CACNB2: variants seen among roughly 807,000 people sequenced by gnomAD.
CACNB2 encodes calcium voltage-gated channel auxiliary subunit beta 2.
CACNB2 carries 42 observed loss-of-function variants against 73.3 expected under a neutral mutation model. That is an observed-to-expected ratio of 0.57 (90% CI 0.45 to 0.74). The LOEUF (loss-of-function observed/expected upper bound fraction) is 0.74. Among genes scored for constraint, CACNB2 ranks in the 30% least tolerant of loss-of-function variants. CACNB2 has a pLI of 0.00. For missense variants in CACNB2, 940 were observed against 853.0 expected, an observed-to-expected ratio of 1.10 and a Z score of -1.27; for synonymous variants, 348 against 310.3, an observed-to-expected ratio of 1.12 and a Z score of -1.28.
At chr10:18,430,094 T>C (rs1346058876) in intron 3 of CACNB2, among the ~76,000 whole-genome samples, 1 of 151,586 alleles carries the variant, frequency 6.6e-6, no homozygotes, top group Non-Finnish European at 1.5e-5. Context: ...CTATTTATTT[T>C]ACAATTATTT....
chr10:18,155,897 TTATATA>T (rs11467545), intron 2 of CACNB2, among the ~76,000 whole-genome samples: 32 of 139,586 alleles, frequency 2.3e-4, no homozygotes, highest in African/African-American at 4.7e-4. Flanking sequence ...AGAGAACATA[TTATATA>T]TATATATATA....
At chr10:18,344,760 A>G (rs916029345) in intron 2 of CACNB2, among the ~76,000 whole-genome samples, 3 of 152,096 alleles carry the variant, frequency 2.0e-5, no homozygotes, top group Non-Finnish European at 2.9e-5. Flanking sequence ...CTGGGCAACA[A>G]CTCCGTCTCA....
intron 2 of CACNB2, among the ~76,000 whole-genome samples, chr10:18,171,296 A>T (rs921875724): frequency 2.0e-5 from 3 of 152,118 alleles, no homozygotes; most frequent in Non-Finnish European, 4.4e-5. Context: ...TTTTGGTTGT[A>T]AGCTTCAGAA....
chr10:18,489,201 A>G (rs2049260019), intron 3 of CACNB2, among the ~76,000 whole-genome samples: 1 of 151,972 alleles, frequency 6.6e-6, no homozygotes, highest in Non-Finnish European at 1.5e-5. Context: ...CCTGGGTGAC[A>G]GAGCGAGACT....
intron 2 of CACNB2, among the ~76,000 whole-genome samples, chr10:18,176,187 G>T (rs2033579608): frequency 1.3e-5 from 2 of 152,132 alleles, no homozygotes; most frequent in Non-Finnish European, 1.5e-5. Context: ...ATTTGGCTTT[G>T]TACAAACAGG....
chr10:18,364,792 C>T (rs1040860086), intron 2 of CACNB2, among the ~76,000 whole-genome samples: 7 of 152,140 alleles, frequency 4.6e-5, no homozygotes, highest in Non-Finnish European at 8.8e-5. Context: ...CCCAATCTTC[C>T]TCTTTCTGCC....
At position 18,396,690 on chromosome 10, in the gene CACNB2, C is replaced by T. The variant is rs1269852175; in HGVS notation, c.214-5234C>T. Among the ~76,000 whole-genome samples, 5 of 152,146 alleles carry T rather than the reference C, an allele frequency of 3.3e-5. No homozygotes were observed. In the East Asian group the frequency reaches 5.8e-4, roughly 18 times the overall value. ...TTCACCATGTTGGTCAGGCTGGTCT[C>T]GAACTCCTGACCACAGGTGATCCAC... On this transcript the variant is annotated intron_variant, in intron 2 of 13. Coordinates refer to ENST00000324631, the MANE Select transcript of CACNB2 (RefSeq NM_201596.3).
At chr10:18,234,462 C>G (rs943755364) in intron 2 of CACNB2, among the ~76,000 whole-genome samples, 2 of 152,136 alleles carry the variant, frequency 1.3e-5, no homozygotes, top group African/African-American at 2.4e-5. Context: ...CAGCATTATT[C>G]ACAATAGCCA....
intron 3 of CACNB2, among the ~76,000 whole-genome samples, chr10:18,492,451 TCTCTA>T (rs1811563953): frequency 6.6e-6 from 1 of 151,350 alleles, no homozygotes; most frequent in Non-Finnish European, 1.5e-5. Flanking sequence ...CAAAACCCCG[TCTCTA>T]CTAAAAATAC....
In CACNB2 at chr10:18,453,396, T is replaced by C. The variant is rs114121735; in HGVS notation, c.334-44959T>C. Among the ~76,000 whole-genome samples the C allele has an allele frequency of 3.8e-3, 573 of 152,284 alleles. 2 individuals carry two copies. Among genetic ancestry groups the C allele is most frequent in the African/African-American group, 0.013 (549 of 41,554 alleles). On this transcript the variant is annotated intron_variant, in intron 3 of 13. Transcript: ENST00000324631. ...CAGTCCCACCTCATTGCCTAGCAGGTACTCTTGTCTCCCTCCATCGCCTCC... is the reference window on the plus strand; with the variant it reads ...CAGTCCCACCTCATTGCCTAGCAGGCACTCTTGTCTCCCTCCATCGCCTCC...
At chr10:18,369,850 A>G (rs996501725) in intron 2 of CACNB2, among the ~76,000 whole-genome samples, 7 of 152,172 alleles carry the variant, frequency 4.6e-5, no homozygotes, top group Admixed American at 4.6e-4. Context: ...GAGGTTGCAG[A>G]GAGCCGAGAT....
In CACNB2 at chr10:18,377,931, A is replaced by G. The variant is rs189132647; in HGVS notation, c.214-23993A>G. On this transcript the variant is annotated intron_variant, in intron 2 of 13. Coordinates refer to ENST00000324631, the MANE Select transcript of CACNB2 (RefSeq NM_201596.3). ...TTTTACCCAGACCTGGGAACTGAGTAAAATTATAATTATGATAGACACAGG... is the reference window on the plus strand; with the variant it reads ...TTTTACCCAGACCTGGGAACTGAGTGAAATTATAATTATGATAGACACAGG... Among the ~76,000 whole-genome samples the G allele has an allele frequency of 6.8e-4, 104 of 152,342 alleles. No individual in the cohort carries two copies. The Middle Eastern group carries it at 0.024, about 35-fold the overall frequency.
In CACNB2 at chr10:18,500,840, G is replaced by T. The variant is rs144461906; in HGVS notation, c.485G>T (p.Arg162Leu). The T allele has an allele frequency of 1.2e-6, 2 of 1,613,912 alleles. No individual in the cohort carries two copies. The highest frequency in any genetic ancestry group is 2.2e-5 in the South Asian group (2 of 91,078). Residue 162 changes from arginine to leucine, a missense_variant, in exon 5 of 14, where the codon CGA becomes CTA. Transcript: ENST00000324631. ...EKFNNDWWIG[R>L]LVKEGCEIGF... ...TTTAACAATGACTGGTGGATAGGGC[G>T]ATTGGTAAAAGAAGGCTGTGAAATC...
At chr10:18,370,276 G>A (rs16917217) in intron 2 of CACNB2, among the ~76,000 whole-genome samples, 44,339 of 151,946 alleles carry the variant, frequency 0.29, 6,896 homozygotes, top group East Asian at 0.67. Context: ...TAGGAATGCA[G>A]TCTCAGAAAC....
At chr10:18,406,027 A>G (rs984542477) in intron 3 of CACNB2, among the ~76,000 whole-genome samples, 2 of 152,202 alleles carry the variant, frequency 1.3e-5, no homozygotes, top group African/African-American at 4.8e-5. Flanking sequence ...ATAACCTTCA[A>G]TCTTGAGTCC....
chr10:18,154,550 C>T (rs2031881191), intron 2 of CACNB2, among the ~76,000 whole-genome samples: 1 of 152,112 alleles, frequency 6.6e-6, no homozygotes, highest in Non-Finnish European at 1.5e-5. Flanking sequence ...TCACTGCAAC[C>T]TCCATCTCCT....
Position 18,500,889 on chromosome 10 carries a change from A to G in CACNB2, c.534A>G (p.Lys178=). 1 of 1,614,114 alleles carries G rather than the reference A, an allele frequency of 6.2e-7. No individual in the cohort carries two copies. The highest frequency in any genetic ancestry group is 8.5e-7 in the Non-Finnish European group (1 of 1,179,972). The change falls in exon 5 of 14, where the codon AAA becomes AAG. Residue 178 remains lysine, a synonymous_variant. Coordinates refer to ENST00000324631, the MANE Select transcript of CACNB2 (RefSeq NM_201596.3). ...CEIGFIPSPV[K]LENMRLQHEQ... is the part of the protein sequence containing the mutation. ...TCGGATTCATTCCAAGCCCAGTCAA[A>G]CTAGAAAACATGAGGCTGCAGCATG...
intron 2 of CACNB2, among the ~76,000 whole-genome samples, chr10:18,266,304 C>G (rs2037796820): frequency 6.6e-6 from 1 of 152,196 alleles, no homozygotes; most frequent in Non-Finnish European, 1.5e-5. Flanking sequence ...AACTGAGATT[C>G]AAGCTGAAAT....
intron 2 of CACNB2, among the ~76,000 whole-genome samples, chr10:18,358,497 GCTCTCTCTCTCTCTCTCT>G (rs59205683): frequency 3.3e-4 from 34 of 104,336 alleles, no homozygotes; most frequent in Admixed American, 7.5e-4. Context: ...TAATGAGCAC[GCTCTCTCTCTCTCTCTCT>G]CTCTCTCTCT....
Sources: gnomAD v4.1 joint callset for allele counts (sites outside exome capture counted in the v4.1 genomes callset) on GRCh38, gnomAD v4.1.1 for gene constraint, MANE v1.5 for transcripts, NCBI Gene and HGNC (gene_info 2026-07-23, HGNC 2026-07-21) for gene names.